Variants in ATP13A4 observed in about 807,000 individuals in gnomAD.
ATP13A4 encodes ATPase 13A4.
ATP13A4 carries 114 observed loss-of-function variants against 142.5 expected under a neutral mutation model. The ratio of observed to expected loss-of-function variants is 0.80; its 90% CI spans 0.69 to 0.93. ATP13A4 has a LOEUF of 0.93. Among genes scored for constraint, ATP13A4 ranks in the 40% least tolerant of loss-of-function variants. The pLI is 0.00. For missense variants in ATP13A4, 1,392 were observed against 1,454.0 expected, an observed-to-expected ratio of 0.96 and a Z score of 0.69; for synonymous variants, 488 against 514.8, an observed-to-expected ratio of 0.95 and a Z score of 0.70.
intron 29 of ATP13A4, among the ~76,000 whole-genome samples, chr3:193,407,008 G>A (rs751625119): frequency 1.2e-4 from 18 of 152,164 alleles, no homozygotes; most frequent in African/African-American, 2.7e-4. Context: ...GTTATGGTGC[G>A]TGAATCATAT....
Position 193,400,825 on chromosome 3 carries a change from C to G in ATP13A4, c.*1827G>C, listed in dbSNP as rs559753821. On this transcript the variant is annotated 3_prime_UTR_variant, in exon 30 of 30. Coordinates refer to ENST00000342695, the MANE Select transcript of ATP13A4 (RefSeq NM_032279.4). The stretch of plus-strand genomic sequence containing the variant: ...CTCATGACTAGGTCACAGACCATCT[C>G]TAGCTTGCCCCTGCCTACAACCCTC... 5.9e-5 allele frequency among the ~76,000 whole-genome samples: 9 copies of G among 152,226 alleles called. No individual in the cohort carries two copies. The highest frequency in any genetic ancestry group is 1.3e-4 in the Non-Finnish European group (9 of 68,046).
intron 1 of ATP13A4, among the ~76,000 whole-genome samples, chr3:193,588,409 A>G (rs577064947): frequency 6.6e-6 from 1 of 152,278 alleles, no homozygotes; most frequent in Middle Eastern, 3.4e-3. Flanking sequence ...TATATTTGTG[A>G]CTGTTACTAA....
chr3:193,543,167 C>CAAAAAAA (rs566660322), intron 1 of ATP13A4, among the ~76,000 whole-genome samples: 37 of 115,236 alleles, frequency 3.2e-4, no homozygotes, highest in African/African-American at 9.0e-4. Context: ...GACTCCATCT[C>CAAAAAAA]AAAAAAAAAA....
rs759731881 is a variant in ATP13A4, at chr3:193,438,636, C to A, written c.2563-52G>T. 2.8e-5 allele frequency: 41 copies of A among 1,486,696 alleles called. No individual in the cohort carries two copies. The African/African-American group carries it at 4.7e-4, about 17-fold the overall frequency. The allele number at this position is 1,486,696 out of a possible 1,614,324, so 92.1% of individuals were successfully genotyped here. On this transcript the variant is annotated intron_variant, in intron 22 of 29. Transcript: ENST00000342695. The stretch of plus-strand genomic sequence containing the variant: ...TCACATAGACTCACGTACGTCTCTA[C>A]TAAAGCCTCATAAGAAAAGGCCAGT...
intron 1 of ATP13A4, among the ~76,000 whole-genome samples, chr3:193,537,308 A>G (rs144819730): frequency 6.6e-6 from 1 of 152,254 alleles, no homozygotes; most frequent in Admixed American, 6.5e-5. Flanking sequence ...CACCCAACAG[A>G]TTTTTGACAC....
chr3:193,542,388 C>T (rs1722978847), intron 1 of ATP13A4, among the ~76,000 whole-genome samples: 1 of 152,052 alleles, frequency 6.6e-6, no homozygotes, highest in Non-Finnish European at 1.5e-5. Flanking sequence ...ATGAAAATGG[C>T]CACACTGCCC....
chr3:193,418,036 GGCGT>G (rs1715179037), intron 25 of ATP13A4, among the ~76,000 whole-genome samples: 1 of 139,104 alleles, frequency 7.2e-6, no homozygotes, highest in African/African-American at 2.7e-5. Flanking sequence ...GCAGGAGAAT[GGCGT>G]GAACCCGGGA....
At chr3:193,504,835 C>T (rs986564528) in intron 2 of ATP13A4, among the ~76,000 whole-genome samples, 11 of 152,158 alleles carry the variant, frequency 7.2e-5, no homozygotes, top group African/African-American at 2.7e-4. Context: ...ATTAGGAAGA[C>T]AGCAACTATT....
chr3:193,585,048 A>AGGCT (rs1724642194), intron 1 of ATP13A4, among the ~76,000 whole-genome samples: 1 of 152,196 alleles, frequency 6.6e-6, no homozygotes, highest in Non-Finnish European at 1.5e-5. Context: ...TGCAGCCTGC[A>AGGCT]GGCTGCATGC....
At chr3:193,575,123 T>C (rs949332705) in intron 2 of ATP13A4, among the ~76,000 whole-genome samples, 1 of 152,176 alleles carries the variant, frequency 6.6e-6, no homozygotes, top group African/African-American at 2.4e-5. Flanking sequence ...ATATACCATT[T>C]GAAGAGAGAT....
chr3:193,499,820 T>C (rs1720440212), intron 3 of ATP13A4, among the ~76,000 whole-genome samples: 1 of 152,134 alleles, frequency 6.6e-6, no homozygotes. Context: ...CACACTGAGG[T>C]TGAAAAATGT....
intron 6 of ATP13A4, among the ~76,000 whole-genome samples, chr3:193,490,822 GC>G (rs1364877998): frequency 6.6e-6 from 1 of 152,148 alleles, no homozygotes; most frequent in Admixed American, 6.5e-5. Context: ...CAGCTAGAGG[GC>G]TACGGTTTGA....
intron 25 of ATP13A4, among the ~76,000 whole-genome samples, chr3:193,420,676 G>T (rs1488387399): frequency 1.3e-5 from 2 of 149,372 alleles, no homozygotes; most frequent in Non-Finnish European, 1.5e-5. Context: ...AGAGTTTAAA[G>T]AATTTAAATG....
intron 3 of ATP13A4, among the ~76,000 whole-genome samples, chr3:193,496,271 TA>T (rs762600680): frequency 1.1e-4 from 17 of 151,936 alleles, no homozygotes; most frequent in Non-Finnish European, 2.1e-4. Flanking sequence ...CCAAAGCAAA[TA>T]GAGCAAAAAG....
At chr3:193,478,594 A>T (rs974439376) in intron 8 of ATP13A4, among the ~76,000 whole-genome samples, 3 of 151,044 alleles carry the variant, frequency 2.0e-5, no homozygotes, top group South Asian at 2.1e-4. Context: ...GAACAGACCA[A>T]TAACAAGCAG....
In ATP13A4 at chr3:193,439,347, T is replaced by A. The variant is rs11915743; in HGVS notation, c.2520-282A>T. ...TGTAAGACAGAGGTGCTCACAATTC[T>A]ATGATGTAAGTTTGGCATGGCAGAG... On this transcript the variant is annotated intron_variant, in intron 21 of 29. Transcript: ENST00000342695. Among the ~76,000 whole-genome samples, 755 of 152,312 alleles carry A rather than the reference T, an allele frequency of 5.0e-3. 9 individuals carry two copies. The highest frequency in any genetic ancestry group is 0.017 in the African/African-American group (707 of 41,558).
At chr3:193,553,213 T>C (rs754919108) in intron 1 of ATP13A4, 12 of 152,256 alleles carry the variant, frequency 7.9e-5, no homozygotes, top group Non-Finnish European at 1.6e-4. Flanking sequence ...GAGTTCTCCA[T>C]GCATCTGATG....
intron 1 of ATP13A4, among the ~76,000 whole-genome samples, chr3:193,518,942 T>C (rs914187186): frequency 1.3e-5 from 2 of 152,142 alleles, no homozygotes; most frequent in East Asian, 3.9e-4. Context: ...CCAGGGTACA[T>C]TTGGCAATGT....
chr3:193,538,938 A>G (rs1300476163), intron 1 of ATP13A4, among the ~76,000 whole-genome samples: 2 of 130,568 alleles, frequency 1.5e-5, no homozygotes, highest in Non-Finnish European at 1.6e-5. Flanking sequence ...CTTGTGCCCC[A>G]AGCTGGAGCA....
Sources: allele counts gnomAD v4.1 joint callset (sites outside exome capture counted in the v4.1 genomes callset), GRCh38; gene constraint gnomAD v4.1.1; transcripts MANE v1.5; gene names NCBI Gene and HGNC (gene_info 2026-07-23, HGNC 2026-07-21).